TRDN: variants seen among roughly 807,000 people sequenced by gnomAD.
TRDN encodes the protein triadin in skeletal muscle.
In TRDN, 161 loss-of-function variants were observed where a neutral mutation model predicts 149.7. That is an observed-to-expected ratio of 1.08 (90% CI 0.95 to 1.23). The LOEUF is 1.23. TRDN is among the 50% of genes most tolerant of loss of function. The pLI is 0.00. For synonymous variants in TRDN, 294 were observed against 250.5 expected, an observed-to-expected ratio of 1.17 and a Z score of -1.64; for missense variants, 896 against 823.5, an observed-to-expected ratio of 1.09 and a Z score of -1.08.
At chr6:123,475,647 C>G (rs1209008755) in intron 9 of TRDN, among the ~76,000 whole-genome samples, 20 of 82,092 alleles carry the variant, frequency 2.4e-4, no homozygotes, top group East Asian at 3.9e-4. Flanking sequence ...AACATTGATG[C>G]AAAAATCCTC....
At chr6:123,465,916 C>A (rs1776775517) in intron 9 of TRDN, among the ~76,000 whole-genome samples, 1 of 152,016 alleles carries the variant, frequency 6.6e-6, no homozygotes, top group Non-Finnish European at 1.5e-5. Context: ...TAGAATTCAC[C>A]AAAATTAGTT....
At chr6:123,524,431 G>A (rs1779840600) in intron 5 of TRDN, among the ~76,000 whole-genome samples, 1 of 152,042 alleles carries the variant, frequency 6.6e-6, no homozygotes, top group African/African-American at 2.4e-5. Context: ...AGAATGCTAA[G>A]GGATTATCCA....
intron 27 of TRDN, among the ~76,000 whole-genome samples, chr6:123,274,094 A>C (rs1026795902): frequency 1.3e-5 from 2 of 152,066 alleles, no homozygotes; most frequent in African/African-American, 4.8e-5. Flanking sequence ...TCTGAACTTG[A>C]TCTATTGAAC....
chr6:123,536,418 TTAAC>T (rs1424622582), intron 4 of TRDN, among the ~76,000 whole-genome samples: 1 of 152,076 alleles, frequency 6.6e-6, no homozygotes, highest in African/African-American at 2.4e-5. Flanking sequence ...AAAATACTAT[TTAAC>T]TACTAAAATG....
intron 21 of TRDN, among the ~76,000 whole-genome samples, chr6:123,347,499 C>A (rs1426688459): frequency 1.3e-5 from 2 of 151,934 alleles, no homozygotes; most frequent in East Asian, 1.9e-4. Context: ...CAATAGCATG[C>A]CTTATTCCTG....
chr6:123,431,944 G>A (rs978080334), intron 12 of TRDN, among the ~76,000 whole-genome samples: 8 of 152,144 alleles, frequency 5.3e-5, no homozygotes, highest in Non-Finnish European at 1.0e-4. Flanking sequence ...GAGAAAAGCA[G>A]ATTTTGTAGA....
At chr6:123,424,117 AG>A (rs1774020736) in intron 12 of TRDN, among the ~76,000 whole-genome samples, 2 of 152,190 alleles carry the variant, frequency 1.3e-5, no homozygotes, top group Admixed American at 6.6e-5. Context: ...GTCTTTCAGT[AG>A]GCAAGACTAT....
intron 1 of TRDN, among the ~76,000 whole-genome samples, chr6:123,605,896 T>C (rs1784509898): frequency 6.6e-6 from 1 of 152,180 alleles, no homozygotes; most frequent in Non-Finnish European, 1.5e-5. Flanking sequence ...ATGGTTAGCA[T>C]CACTGAGTAA....
Position 123,265,229 on chromosome 6 carries a change from A to T in TRDN, c.1804+89T>A. 4.0e-6 allele frequency: 4 copies of T among 993,518 alleles called. No individual in the cohort carries two copies. The South Asian group carries it at 4.9e-5, about 12-fold the overall frequency. The allele number at this position is 993,518 out of a possible 1,614,324, so 61.5% of individuals were successfully genotyped here. A position where few individuals can be genotyped will look rare whatever the true frequency, so the allele number is the denominator to read the frequency against. ...GCTATTACATTAACAAACAGACCATACTATTTAACTTCAGTTATAACTCAA... is the reference window on the plus strand; with the variant it reads ...GCTATTACATTAACAAACAGACCATTCTATTTAACTTCAGTTATAACTCAA... On this transcript the variant is annotated intron_variant, in intron 33 of 40. Coordinates refer to ENST00000334268, the MANE Select transcript of TRDN (RefSeq NM_006073.4).
At chr6:123,454,543 A>G (rs2114667973) in intron 10 of TRDN, among the ~76,000 whole-genome samples, 1 of 152,308 alleles carries the variant, frequency 6.6e-6, no homozygotes, top group East Asian at 1.9e-4. Flanking sequence ...TGGGCTCAGG[A>G]AAGATGACGA....
intron 12 of TRDN, among the ~76,000 whole-genome samples, chr6:123,394,151 A>G (rs954017235): frequency 1.3e-5 from 2 of 152,154 alleles, no homozygotes; most frequent in Non-Finnish European, 2.9e-5. Flanking sequence ...CCTAAACTGC[A>G]GTGGCACCAA....
chr6:123,270,297 T>C (rs748835140), intron 30 of TRDN, among the ~76,000 whole-genome samples: 2 of 152,028 alleles, frequency 1.3e-5, no homozygotes, highest in Non-Finnish European at 2.9e-5. Flanking sequence ...TGAGATTTCT[T>C]TCTTTCTACT....
chr6:123,548,339 T>G (rs1781217131), intron 3 of TRDN, 115 bp downstream of exon 3: 5 of 691,962 alleles, frequency 7.2e-6, no homozygotes, highest in Non-Finnish European at 1.0e-5. Flanking sequence ...AGAAGTGTAT[T>G]CATTTTGGTT....
intron 33 of TRDN, among the ~76,000 whole-genome samples, chr6:123,261,333 G>C (rs542752592): frequency 6.6e-6 from 1 of 151,918 alleles, no homozygotes; most frequent in Admixed American, 6.6e-5. Flanking sequence ...GTCATGGGAT[G>C]AGATTAAAAG....
intron 7 of TRDN, chr6:123,509,707 T>C (rs538946732): frequency 1.3e-5 from 2 of 152,132 alleles, no homozygotes; most frequent in African/African-American, 4.8e-5. Context: ...AGATTCTTGA[T>C]CCACAGAAAC....
intron 23 of TRDN, among the ~76,000 whole-genome samples, chr6:123,329,701 T>C (rs920827820): frequency 1.6e-4 from 24 of 152,108 alleles, no homozygotes; most frequent in Non-Finnish European, 1.5e-5. Flanking sequence ...AAAGCACCAT[T>C]AATATTCTGG....
chr6:123,274,501 T>C, intron 27 of TRDN, 140 bp downstream of exon 27: 1 of 646,282 alleles, frequency 1.5e-6, no homozygotes, highest in Non-Finnish European at 2.5e-6. Context: ...AAAATCATGT[T>C]GAGCAATGGA....
At chr6:123,385,985 C>G (rs1025535348) in intron 14 of TRDN, among the ~76,000 whole-genome samples, 1 of 152,072 alleles carries the variant, frequency 6.6e-6, no homozygotes, top group African/African-American at 2.4e-5. Context: ...AAACAGGTAC[C>G]TATTCATATT....
At chr6:123,580,916 CTA>C (rs1464519688) in intron 1 of TRDN, among the ~76,000 whole-genome samples, 1 of 152,142 alleles carries the variant, frequency 6.6e-6, no homozygotes, top group Non-Finnish European at 1.5e-5. Flanking sequence ...AGGTTGAAAA[CTA>C]GAATTCATTT....
Sources: allele counts gnomAD v4.1 joint callset (sites outside exome capture counted in the v4.1 genomes callset), GRCh38; gene constraint gnomAD v4.1.1; transcripts MANE v1.5; gene names NCBI Gene and HGNC (gene_info 2026-07-23, HGNC 2026-07-21).